The following LRBA variants were observed in gnomAD, a reference collection of about 807,000 sequenced individuals.
LRBA encodes LPS responsive beige-like anchor protein.
LRBA carries 176 observed loss-of-function variants against 330.0 expected under a neutral mutation model. The ratio of observed to expected loss-of-function variants is 0.53; its 90% CI spans 0.47 to 0.60. The LOEUF is 0.60. LRBA is among the 20% of genes least tolerant of loss of function. The pLI is 0.00. For missense variants in LRBA, 3,259 were observed against 3,444.8 expected, an observed-to-expected ratio of 0.95 and a Z score of 1.35; for synonymous variants, 1,230 against 1,193.0, an observed-to-expected ratio of 1.03 and a Z score of -0.64.
At chr4:150,297,685 A>G (rs1218325369) in intron 53 of LRBA, among the ~76,000 whole-genome samples, 1 of 152,186 alleles carries the variant, frequency 6.6e-6, no homozygotes, top group Non-Finnish European at 1.5e-5. Context: ...TCTAGTGAAC[A>G]TAAGGAACCT....
At chr4:150,860,004 TACTG>T (rs2126952927) in intron 22 of LRBA, among the ~76,000 whole-genome samples, 1 of 152,288 alleles carries the variant, frequency 6.6e-6, no homozygotes, top group South Asian at 2.1e-4. Flanking sequence ...TTCACCTACT[TACTG>T]AATCACTACA....
At chr4:150,801,836 A>G (rs1741652974) in intron 33 of LRBA, among the ~76,000 whole-genome samples, 1 of 151,992 alleles carries the variant, frequency 6.6e-6, no homozygotes, top group Non-Finnish European at 1.5e-5. Flanking sequence ...ACCCCAAAAA[A>G]AGTTTTTGCC....
At chr4:150,581,224 T>C (rs978867786) in intron 40 of LRBA, 1 of 339,312 alleles carries the variant, frequency 2.9e-6, no homozygotes, top group African/African-American at 2.2e-5. Context: ...AATTATGAAA[T>C]AATTATCAAA....
intron 2 of LRBA, among the ~76,000 whole-genome samples, chr4:150,991,103 G>C (rs912385648): frequency 6.7e-6 from 1 of 148,888 alleles, no homozygotes; most frequent in Admixed American, 6.7e-5. Context: ...AGGAAGAGGA[G>C]GATGAAGAGG....
At chr4:150,808,259 G>C in intron 32 of LRBA, 61 bp downstream of exon 32, 15 of 1,056,162 alleles carry the variant, frequency 1.4e-5, no homozygotes, top group Non-Finnish European at 2.0e-5. Context: ...AATAAACCTA[G>C]ATAGCTTAAA....
At chr4:150,441,808 A>T (rs1751875614) in intron 44 of LRBA, among the ~76,000 whole-genome samples, 1 of 152,060 alleles carries the variant, frequency 6.6e-6, no homozygotes, top group South Asian at 2.1e-4. Context: ...CTATTGTATT[A>T]CAAGTTGGTT....
At chr4:150,495,645 G>T (rs888324896) in intron 40 of LRBA, among the ~76,000 whole-genome samples, 6 of 152,120 alleles carry the variant, frequency 3.9e-5, no homozygotes, top group Non-Finnish European at 8.8e-5. Flanking sequence ...TAAGCAAGGG[G>T]TTCATTTCTT....
intron 2 of LRBA, among the ~76,000 whole-genome samples, chr4:151,004,952 T>C (rs1260868311): frequency 6.6e-6 from 1 of 151,668 alleles, no homozygotes; most frequent in Non-Finnish European, 1.5e-5. Context: ...GAGCATGCCA[T>C]TGCACTCCAG....
chr4:150,452,806 T>A (rs1038445928), intron 44 of LRBA, among the ~76,000 whole-genome samples: 10 of 152,174 alleles, frequency 6.6e-5, no homozygotes, highest in Non-Finnish European at 1.3e-4. Context: ...ATGCCATTTA[T>A]GTATAAAGTC....
At chr4:150,579,261 C>T in intron 40 of LRBA, 2 of 456,630 alleles carry the variant, frequency 4.4e-6, no homozygotes, top group Middle Eastern at 3.3e-4. Context: ...ATTACAGCCT[C>T]CTCGGATACC....
At chr4:150,977,746 T>C (rs1740359054) in intron 2 of LRBA, among the ~76,000 whole-genome samples, 1 of 152,166 alleles carries the variant, frequency 6.6e-6, no homozygotes, top group African/African-American at 2.4e-5. Context: ...TAAGCGAACA[T>C]TGGCAGTAAC....
At chr4:150,911,763 T>C (rs1026075122) in intron 9 of LRBA, among the ~76,000 whole-genome samples, 1 of 152,198 alleles carries the variant, frequency 6.6e-6, no homozygotes, top group Admixed American at 6.5e-5. Flanking sequence ...TTGAGGAGAA[T>C]TGGCATTAAT....
intron 37 of LRBA, among the ~76,000 whole-genome samples, chr4:150,617,528 G>C (rs1009579421): frequency 1.3e-5 from 2 of 152,156 alleles, no homozygotes; most frequent in African/African-American, 4.8e-5. Context: ...TGTAATCCCA[G>C]CTACTCCAGA....
intron 2 of LRBA, among the ~76,000 whole-genome samples, chr4:150,981,775 A>G (rs1398839949): frequency 2.0e-5 from 3 of 151,996 alleles, no homozygotes; most frequent in Non-Finnish European, 4.4e-5. Context: ...CCTGGCTAAC[A>G]CGGCGAAACC....
chr4:150,526,825 C>G (rs1561304729), intron 40 of LRBA, among the ~76,000 whole-genome samples: 1 of 152,012 alleles, frequency 6.6e-6, no homozygotes, highest in Non-Finnish European at 1.5e-5. Flanking sequence ...ATGCCATTAT[C>G]ATGTATAACA....
intron 46 of LRBA, among the ~76,000 whole-genome samples, chr4:150,426,543 G>A (rs540106924): frequency 1.3e-5 from 2 of 152,016 alleles, no homozygotes; most frequent in Admixed American, 1.3e-4. Context: ...AGGGTTTGCT[G>A]TGAGGCTCAT....
intron 44 of LRBA, among the ~76,000 whole-genome samples, chr4:150,442,829 A>G (rs183596004): frequency 2.0e-5 from 3 of 152,288 alleles, no homozygotes; most frequent in South Asian, 4.1e-4. Flanking sequence ...AAATTCAGAG[A>G]ATAAAAGAGG....
chr4:150,716,734 A>G (rs1431029841), intron 36 of LRBA, among the ~76,000 whole-genome samples: 1 of 152,186 alleles, frequency 6.6e-6, no homozygotes, highest in African/African-American at 2.4e-5. Flanking sequence ...AAAATACATA[A>G]CACTAAAATA....
intron 2 of LRBA, among the ~76,000 whole-genome samples, chr4:151,003,591 A>G (rs1382520001): frequency 6.6e-6 from 1 of 151,934 alleles, no homozygotes; most frequent in Admixed American, 6.6e-5. Context: ...TGGGCAACAT[A>G]GTGAGACAAT....
Sources: gnomAD v4.1 joint callset for allele counts (sites outside exome capture counted in the v4.1 genomes callset) on GRCh38, gnomAD v4.1.1 for gene constraint, MANE v1.5 for transcripts, NCBI Gene and HGNC (gene_info 2026-07-23, HGNC 2026-07-21) for gene names.